The following RBBP8 variants were observed in gnomAD, a reference collection of about 807,000 sequenced individuals.
RBBP8 encodes DNA endonuclease RBBP8.
RBBP8 carries 88 observed loss-of-function variants against 108.3 expected under a neutral mutation model. The observed-to-expected ratio is 0.81, with a 90% CI of 0.68 to 0.97. RBBP8 has a LOEUF of 0.97. Ranked by LOEUF, RBBP8 falls within the 50% of genes least tolerant of loss-of-function variation. The probability of loss-of-function intolerance (pLI) is 0.00; values close to 1 mark genes in which losing one functional copy is unlikely to be tolerated. For missense variants in RBBP8, 1,023 were observed against 1,049.0 expected (o/e 0.98, Z 0.34); for synonymous variants, 332 against 348.2 (o/e 0.95, Z 0.52).
chr18:23,001,067 C>T (rs753790180), intron 14 of RBBP8, among the ~76,000 whole-genome samples: 4 of 152,218 alleles, frequency 2.6e-5, no homozygotes, highest in Admixed American at 6.5e-5. Context: ...CTCTTCACAG[C>T]TAGGCCTGCA....
chr18:23,019,910 T>G (rs6507435), intron 17 of RBBP8, among the ~76,000 whole-genome samples: 1 of 150,632 alleles, frequency 6.6e-6, no homozygotes, highest in Admixed American at 6.6e-5. Flanking sequence ...TACAGGCGCC[T>G]GCCACCACGC....
chr18:23,019,789 T>C (rs1598751447), intron 17 of RBBP8, among the ~76,000 whole-genome samples: 1 of 135,218 alleles, frequency 7.4e-6, no homozygotes, highest in African/African-American at 2.7e-5. Flanking sequence ...TGAGTTGGAG[T>C]CTCACTCTGT....
At chr18:22,998,541 A>T (rs900611524) in intron 14 of RBBP8, among the ~76,000 whole-genome samples, 5 of 152,234 alleles carry the variant, frequency 3.3e-5, no homozygotes, top group East Asian at 1.9e-4. Flanking sequence ...GTTGTCATTT[A>T]TCATCCTTAT....
At position 23,006,390 on chromosome 18, in the gene RBBP8, A is replaced by G; in HGVS notation, c.2315A>G (p.Lys772Arg). The change falls in exon 16 of 19, where the codon AAG becomes AGG. Residue 772 changes from lysine to arginine, a missense_variant. Physicochemically the swap from Lys to Arg is conservative, Grantham distance 26 (BLOSUM62 2). Coordinates refer to ENST00000327155, the MANE Select transcript of RBBP8 (RefSeq NM_002894.3). Reference protein sequence around the residue: ...HTHGDKQDKVKQKAFVEPYFK... With the variant: ...HTHGDKQDKVRQKAFVEPYFK... The stretch of plus-strand genomic sequence containing the variant: ...CATGGTGATAAACAAGACAAAGTCA[A>G]GCAGAAAGCGTTTGTGGAGCCGTAT... 6.2e-7 allele frequency: 1 copy of G among 1,613,884 alleles called. No individual in the cohort carries two copies. The highest frequency in any genetic ancestry group is 8.5e-7 in the Non-Finnish European group (1 of 1,179,848).
At position 23,022,252 on chromosome 18, in the gene RBBP8, C is replaced by T. The variant is rs2046358144; in HGVS notation, c.2578C>T (p.Gln860Ter). The change falls in exon 18 of 19, where the codon CAG becomes TAG. Residue 860 changes from glutamine (Q) to a stop codon, truncating the protein, a stop_gained. Coordinates refer to ENST00000327155, the MANE Select transcript of RBBP8 (RefSeq NM_002894.3). LOFTEE classifies it high-confidence loss of function. ...TTGGGAAGTTGGTTTTCCTTCCACT[C>T]AGACTTGTATGGAAAGAGGTGAGAG... ...NFWEVGFPSTQTCMERGYIKE... is the reference protein window; with the variant it reads ...NFWEVGFPST The T allele has an allele frequency of 2.5e-6, 4 of 1,611,308 alleles. No homozygotes were observed. The highest frequency in any genetic ancestry group is 2.5e-6 in the Non-Finnish European group (3 of 1,177,510).
At chr18:23,010,778 C>A (rs981103274) in intron 16 of RBBP8, among the ~76,000 whole-genome samples, 2 of 152,086 alleles carry the variant, frequency 1.3e-5, no homozygotes, top group African/African-American at 4.8e-5. Flanking sequence ...TACATTGTTG[C>A]TTTTTCCACT....
chr18:22,977,955 A>G (rs968713597), intron 6 of RBBP8: 1 of 152,016 alleles, frequency 6.6e-6, no homozygotes, highest in Non-Finnish European at 1.5e-5. Context: ...CATTACTTCA[A>G]CTCTTCAAAC....
chr18:22,958,754 C>T (rs1195639106), intron 4 of RBBP8, among the ~76,000 whole-genome samples: 2 of 152,158 alleles, frequency 1.3e-5, no homozygotes, highest in Non-Finnish European at 2.9e-5. Flanking sequence ...GTTGCCCAGG[C>T]TTGTCTTGAA....
At chr18:22,919,811 C>G (rs1043528216) in intron 3 of RBBP8, among the ~76,000 whole-genome samples, 1 of 152,012 alleles carries the variant, frequency 6.6e-6, no homozygotes, top group Admixed American at 6.6e-5. Flanking sequence ...CGTGGCCTCC[C>G]AAAGTGCTGG....
chr18:22,997,650 A>G lies in RBBP8; in HGVS notation c.2059A>G (p.Thr687Ala), dbSNP rs577194695. Residue 687 changes from threonine to alanine, a missense_variant, in exon 14 of 19, where the codon ACA (threonine) becomes GCA (alanine). Transcript: ENST00000327155. ...CAGTCAGTCAAAATTAGGAGGAGAG[A>G]CAGTGGACATGGACTGTACATTGGT... Reference protein sequence around the residue: ...DGSQSKLGGETVDMDCTLVSE... With the variant: ...DGSQSKLGGEAVDMDCTLVSE... 7 of 1,609,180 alleles carry G rather than the reference A, an allele frequency of 4.4e-6. No homozygotes were observed. The Admixed American group carries it at 8.4e-5, about 19-fold the overall frequency.
At chr18:22,954,509 G>T (rs901726828) in intron 4 of RBBP8, among the ~76,000 whole-genome samples, 1 of 152,198 alleles carries the variant, frequency 6.6e-6, no homozygotes, top group African/African-American at 2.4e-5. Context: ...CCACAGTCTT[G>T]GGCAGCTCTG....
intron 16 of RBBP8, among the ~76,000 whole-genome samples, chr18:23,012,683 G>A (rs184989624): frequency 6.6e-6 from 1 of 152,350 alleles, no homozygotes. Flanking sequence ...CAAATGGCAA[G>A]TACTGATATA....
At chr18:23,024,154 G>A (rs1462030860) in intron 18 of RBBP8, among the ~76,000 whole-genome samples, 1 of 151,138 alleles carries the variant, frequency 6.6e-6, no homozygotes, top group Non-Finnish European at 1.5e-5. Context: ...CAAAGTGCTG[G>A]GATTACAGGC....
chr18:22,993,440 C>G lies in RBBP8; in HGVS notation c.1613C>G (p.Ala538Gly), dbSNP rs1359340739. ...AAGGGCTTTTCCTCAAGCCGTAAGG[C>G]CTCAGATGGCAACTGCACGTTGCCC... ...IPKGFSSSRK[A>G]SDGNCTLPKD... Residue 538 changes from alanine to glycine, a missense_variant, in exon 11 of 19, where the codon GCC (alanine) becomes GGC (glycine). Physicochemically the swap from Ala to Gly is moderately conservative, Grantham distance 60. Coordinates refer to ENST00000327155, the MANE Select transcript of RBBP8 (RefSeq NM_002894.3). 6.2e-7 allele frequency: 1 copy of G among 1,614,228 alleles called. No homozygotes were observed. The highest frequency in any genetic ancestry group is 8.5e-7 in the Non-Finnish European group (1 of 1,180,038).
At position 22,914,595 on chromosome 18, in the gene RBBP8, T is replaced by C. The variant is rs909899912; in HGVS notation, c.-306+289T>C. Among the ~76,000 whole-genome samples, 7 of 152,246 alleles carry C rather than the reference T, an allele frequency of 4.6e-5. 1 individual carries two copies. The highest frequency in any genetic ancestry group is 1.7e-4 in the African/African-American group (7 of 41,470). On this transcript the variant is annotated intron_variant, in intron 1 of 4. Transcript: ENST00000577588. ...TTGCCAAATAAATTTCACATATTAA[T>C]GATTTACATTAAGCCATCTACTTCC...
chr18:23,003,913 C>T lies in RBBP8; in HGVS notation c.2287+2184C>T, dbSNP rs947572789. On this transcript the variant is annotated intron_variant, in intron 15 of 18. Transcript: ENST00000327155. ...CTCCTGAAAATACAAAAAAATTAAC[C>T]GGGCATGGTGGCAGGTGCCTGTAGT... is the stretch of plus-strand genomic sequence containing the variant. Among the ~76,000 whole-genome samples the T allele has an allele frequency of 5.3e-5, 8 of 151,812 alleles. 1 individual carries two copies. Among genetic ancestry groups the T allele is most frequent in the African/African-American group, 1.7e-4 (7 of 41,428 alleles).
Position 22,972,940 on chromosome 18 carries a change from C to T in RBBP8, c.362-2213C>T, listed in dbSNP as rs140152137. Among the ~76,000 whole-genome samples, 17 of 152,208 alleles carry T rather than the reference C, an allele frequency of 1.1e-4. No homozygotes were observed. The East Asian group carries it at 3.3e-3, about 29-fold the overall frequency. On this transcript the variant is annotated intron_variant, in intron 5 of 18. Coordinates refer to ENST00000327155, the MANE Select transcript of RBBP8 (RefSeq NM_002894.3). ...GACTGAAAATGGGAGGGAAAGACACCTTGCTAGAGAGCTTTTCCGTATGGA... is the reference window on the plus strand; with the variant it reads ...GACTGAAAATGGGAGGGAAAGACACTTTGCTAGAGAGCTTTTCCGTATGGA...
At chr18:22,964,380 T>G (rs1902921) in intron 4 of RBBP8, among the ~76,000 whole-genome samples, 31,671 of 150,282 alleles carry the variant, frequency 0.21, 3,751 homozygotes, top group East Asian at 0.4. Flanking sequence ...TAGGTTTTTT[T>G]TTTTTTTTTC....
chr18:22,925,528 T>C (rs1027678717), intron 3 of RBBP8, among the ~76,000 whole-genome samples: 3 of 152,240 alleles, frequency 2.0e-5, no homozygotes, highest in East Asian at 3.8e-4. Context: ...TTTAAAGATA[T>C]ATCTGTAATC....
Sources: allele counts gnomAD v4.1 joint callset (sites outside exome capture counted in the v4.1 genomes callset), GRCh38; gene constraint gnomAD v4.1.1; transcripts MANE v1.5; gene names NCBI Gene and HGNC (gene_info 2026-07-23, HGNC 2026-07-21).